GLIS3: variants seen among roughly 807,000 people sequenced by gnomAD.
The protein encoded by GLIS3 is GLIS family zinc finger 3.
In GLIS3, 53 loss-of-function variants were observed where a neutral mutation model predicts 78.6. That is an observed-to-expected ratio of 0.67 (90% confidence interval 0.54 to 0.85). The LOEUF (loss-of-function observed/expected upper bound fraction) is 0.85. GLIS3 is among the 40% of genes least tolerant of loss of function. GLIS3 has a pLI of 0.00. For synonymous variants in GLIS3, 684 were observed against 509.9 expected (o/e 1.34, Z -4.60); for missense variants, 1,703 against 1,231.1 (o/e 1.38, Z -5.74).
intron 2 of GLIS3, among the ~76,000 whole-genome samples, chr9:4,327,865 G>A (rs1225851487): frequency 6.6e-6 from 1 of 152,220 alleles, no homozygotes; most frequent in Non-Finnish European, 1.5e-5. Context: ...AGTGACCGGT[G>A]TAGCAGAAGC....
chr9:4,026,131 T>C (rs1160874106), intron 4 of GLIS3, among the ~76,000 whole-genome samples: 1 of 152,196 alleles, frequency 6.6e-6, no homozygotes, highest in Non-Finnish European at 1.5e-5. Flanking sequence ...AAGGCTTTCT[T>C]CCAACATCAA....
intron 1 of GLIS3, among the ~76,000 whole-genome samples, chr9:4,286,869 A>G (rs1828046372): frequency 6.6e-6 from 1 of 152,228 alleles, no homozygotes; most frequent in Non-Finnish European, 1.5e-5. Context: ...CTTTTGCTAC[A>G]GTGGGTCTTG....
At chr9:4,007,287 T>C (rs895292696) in intron 4 of GLIS3, among the ~76,000 whole-genome samples, 2 of 152,094 alleles carry the variant, frequency 1.3e-5, no homozygotes, top group African/African-American at 4.8e-5. Context: ...TTCCTTCTGA[T>C]TGGACAGTAG....
chr9:4,054,860 A>G (rs189629287), intron 4 of GLIS3, among the ~76,000 whole-genome samples: 228 of 152,120 alleles, frequency 1.5e-3, no homozygotes, highest in African/African-American at 5.2e-3. Flanking sequence ...GCTTTACCAC[A>G]TTGGGTTTTC....
At position 4,194,767 on chromosome 9, in the gene GLIS3, C is replaced by T. The variant is rs558169107; in HGVS notation, c.389-68826G>A. ...GTGACTCACCTTTCCACTGAAGCTC[C>T]GGGCAACCCTGGCCAAGGGAGAGTA... On this transcript the variant is annotated intron_variant, in intron 2 of 10. Coordinates refer to ENST00000381971, the MANE Select transcript of GLIS3 (RefSeq NM_001042413.2). Among the ~76,000 whole-genome samples, 9 of 152,306 alleles carry T rather than the reference C, an allele frequency of 5.9e-5. No individual in the cohort carries two copies. In the South Asian group the frequency reaches 1.5e-3, roughly 25 times the overall value.
intron 2 of GLIS3, among the ~76,000 whole-genome samples, chr9:4,268,761 C>T (rs1826238158): frequency 6.6e-6 from 1 of 152,104 alleles, no homozygotes; most frequent in African/African-American, 2.4e-5. Context: ...ACTAGGAGAC[C>T]AGTTTATTCC....
intron 2 of GLIS3, among the ~76,000 whole-genome samples, chr9:4,156,095 TA>T (rs370358262): frequency 8.9e-4 from 132 of 148,258 alleles, no homozygotes; most frequent in Admixed American, 4.4e-3. Context: ...AGCAATGGAT[TA>T]AAAAAAAAAA....
At chr9:4,354,913 G>A in the GLIS3 span, among the ~76,000 whole-genome samples, 7 of 152,074 alleles carry the variant, frequency 4.6e-5, no homozygotes, top group African/African-American at 1.2e-4. Flanking sequence ...TCAGGAGATC[G>A]AGACCATCCT....
At chr9:4,221,820 A>C (rs1436940250) in intron 2 of GLIS3, among the ~76,000 whole-genome samples, 2 of 152,226 alleles carry the variant, frequency 1.3e-5, no homozygotes, top group Non-Finnish European at 2.9e-5. Context: ...AAGAACCTAA[A>C]AATCTTGCCT....
chr9:4,214,648 A>T (rs939363271), intron 2 of GLIS3, among the ~76,000 whole-genome samples: 1 of 152,144 alleles, frequency 6.6e-6, no homozygotes, highest in Non-Finnish European at 1.5e-5. Flanking sequence ...TAGCTTCCTT[A>T]ATGTTCTTTA....
At chr9:4,409,323 T>C in the GLIS3 span, among the ~76,000 whole-genome samples, 16 of 152,320 alleles carry the variant, frequency 1.1e-4, no homozygotes, top group South Asian at 1.2e-3. Flanking sequence ...AGGGCTTAAT[T>C]GATGAGATGT....
At chr9:3,879,382 G>A (rs1305850784) in intron 8 of GLIS3, 45 bp downstream of exon 8, 2 of 1,590,054 alleles carry the variant, frequency 1.3e-6, no homozygotes, top group Non-Finnish European at 1.7e-6. Flanking sequence ...GTGAAGGGAG[G>A]TTTGGCGGCG....
the GLIS3 span, among the ~76,000 whole-genome samples, chr9:4,391,832 G>C: frequency 1.3e-5 from 2 of 152,246 alleles, no homozygotes; most frequent in Admixed American, 1.3e-4. Flanking sequence ...CATTGTGGAA[G>C]ACAATGTGGC....
At position 3,888,245 on chromosome 9, in the gene GLIS3, G is replaced by A. The variant is rs562681581; in HGVS notation, c.2129-8650C>T. ...TTACTTGGCCACAAAAAACAAAGCT[G>A]CAGTAAAAAATACTGGGTTCCCAAT... On this transcript the variant is annotated intron_variant, in intron 7 of 10. Transcript: ENST00000381971. Among the ~76,000 whole-genome samples the A allele has an allele frequency of 2.6e-5, 4 of 152,226 alleles. No individual in the cohort carries two copies. In the East Asian group the frequency reaches 5.8e-4, roughly 22 times the overall value.
At chr9:4,072,196 T>C (rs1827668880) in intron 4 of GLIS3, among the ~76,000 whole-genome samples, 4 of 152,244 alleles carry the variant, frequency 2.6e-5, no homozygotes, top group Admixed American at 2.6e-4. Context: ...GCTTTCAAGT[T>C]ACTCATCTCC....
chr9:4,402,623 A>T, the GLIS3 span, among the ~76,000 whole-genome samples: 1 of 152,222 alleles, frequency 6.6e-6, no homozygotes, highest in Non-Finnish European at 1.5e-5. Flanking sequence ...TAACAAAAAG[A>T]TTGAAACAAT....
the GLIS3 span, among the ~76,000 whole-genome samples, chr9:4,470,346 A>C: frequency 3.9e-5 from 6 of 152,336 alleles, no homozygotes; most frequent in African/African-American, 1.4e-4. Context: ...ATCGAGGCAA[A>C]AATCCTCAAT....
intron 2 of GLIS3, chr9:4,152,064 C>A: frequency 1.2e-6 from 1 of 861,834 alleles, no homozygotes; most frequent in Non-Finnish European, 1.4e-6. Flanking sequence ...TCTCATATCT[C>A]ACCTAGACAA....
intron 1 of GLIS3, among the ~76,000 whole-genome samples, chr9:4,293,120 G>A (rs962266790): frequency 2.6e-5 from 4 of 152,064 alleles, no homozygotes; most frequent in Admixed American, 2.6e-4. Context: ...AATAAAATGT[G>A]GCAAATGAAA....
Sources: allele counts gnomAD v4.1 joint callset (sites outside exome capture counted in the v4.1 genomes callset), GRCh38; gene constraint gnomAD v4.1.1; transcripts MANE v1.5; gene names NCBI Gene and HGNC (gene_info 2026-07-23, HGNC 2026-07-21).